FREM2: variants seen among roughly 807,000 people sequenced by gnomAD.
FREM2 encodes the protein FRAS1-related extracellular matrix protein 2.
FREM2 carries 119 observed loss-of-function variants against 219.9 expected under a neutral mutation model. The ratio of observed to expected loss-of-function variants is 0.54; its 90% CI spans 0.47 to 0.63. FREM2 has a LOEUF of 0.63. Ranked by LOEUF, FREM2 falls within the 30% of genes least tolerant of loss-of-function variation. The pLI is 0.00. For synonymous variants in FREM2, 1,562 were observed against 1,522.8 expected (o/e 1.03, Z -0.60); for missense variants, 4,030 against 3,993.6 (o/e 1.01, Z -0.25).
At chr13:38,758,903 T>G (rs1413276596) in intron 2 of FREM2, among the ~76,000 whole-genome samples, 1 of 152,192 alleles carries the variant, frequency 6.6e-6, no homozygotes, top group East Asian at 1.9e-4. Flanking sequence ...TGCAGTGGCT[T>G]ACACCTATAG....
At chr13:38,773,015 A>G (rs1455663072) in intron 4 of FREM2, among the ~76,000 whole-genome samples, 1 of 152,026 alleles carries the variant, frequency 6.6e-6, no homozygotes, top group Non-Finnish European at 1.5e-5. Context: ...TTTAACACAC[A>G]CACAGACACA....
At position 38,695,348 on chromosome 13, in the gene FREM2, A is replaced by G. The variant is rs369383339; in HGVS notation, c.5174-2350A>G. Among the ~76,000 whole-genome samples the G allele has an allele frequency of 4.7e-4, 71 of 152,304 alleles. 3 individuals are homozygous for G. In the South Asian group the frequency reaches 0.013, roughly 28 times the overall value. Reference sequence around the variant, plus strand: ...ATATAAAAGGTTTTAGTATGTTCCAACTAATCAATAACACATGCCCTAACT... The same window carrying G: ...ATATAAAAGGTTTTAGTATGTTCCAGCTAATCAATAACACATGCCCTAACT... On this transcript the variant is annotated intron_variant, in intron 1 of 23. Coordinates refer to ENST00000280481, the MANE Select transcript of FREM2 (RefSeq NM_207361.6).
intron 2 of FREM2, among the ~76,000 whole-genome samples, chr13:38,715,257 G>A (rs975860255): frequency 3.3e-5 from 5 of 152,098 alleles, no homozygotes; most frequent in African/African-American, 4.8e-5. Context: ...AAAGAACCCT[G>A]TACACCAGAA....
At chr13:38,782,136 G>A (rs1055350446) in intron 4 of FREM2, among the ~76,000 whole-genome samples, 1 of 152,172 alleles carries the variant, frequency 6.6e-6, no homozygotes, top group Non-Finnish European at 1.5e-5. Flanking sequence ...GGCTGTATCT[G>A]CTGTTCCAGC....
At chr13:38,711,234 C>T (rs564896674) in intron 2 of FREM2, among the ~76,000 whole-genome samples, 3 of 152,284 alleles carry the variant, frequency 2.0e-5, no homozygotes, top group East Asian at 3.9e-4. Context: ...TTCCCATCCC[C>T]GTCTTCGCCT....
chr13:38,777,892 T>C (rs1249569330), intron 4 of FREM2, among the ~76,000 whole-genome samples: 1 of 152,216 alleles, frequency 6.6e-6, no homozygotes, highest in Non-Finnish European at 1.5e-5. Flanking sequence ...GCCTATTTAC[T>C]CTGTCAGATT....
intron 2 of FREM2, among the ~76,000 whole-genome samples, chr13:38,751,737 CAT>C (rs1872778149): frequency 6.6e-6 from 1 of 152,116 alleles, no homozygotes; most frequent in South Asian, 2.1e-4. Flanking sequence ...TACTTCCTAA[CAT>C]ATGTGCTTTT....
intron 2 of FREM2, among the ~76,000 whole-genome samples, chr13:38,706,822 A>G (rs940879781): frequency 3.3e-5 from 5 of 152,140 alleles, no homozygotes; most frequent in Admixed American, 6.5e-5. Flanking sequence ...CAATATCCCA[A>G]TGAGTTCAAA....
intron 6 of FREM2, among the ~76,000 whole-genome samples, chr13:38,824,596 T>C (rs1424548852): frequency 2.6e-5 from 4 of 151,986 alleles, no homozygotes; most frequent in Admixed American, 2.0e-4. Context: ...TGCTTGCTGC[T>C]GATTGGTTGG....
intron 6 of FREM2, among the ~76,000 whole-genome samples, chr13:38,823,348 C>T (rs1230373191): frequency 6.6e-6 from 1 of 151,954 alleles, no homozygotes; most frequent in Non-Finnish European, 1.5e-5. Flanking sequence ...TCCTCCAGAA[C>T]CCTAAATGCA....
At chr13:38,719,263 C>T (rs929105407) in intron 2 of FREM2, among the ~76,000 whole-genome samples, 27 of 152,154 alleles carry the variant, frequency 1.8e-4, no homozygotes, top group African/African-American at 6.5e-4. Flanking sequence ...TCTTGTTGCC[C>T]AGGCTGGAGT....
At chr13:38,867,511 G>T (rs79938568) in intron 16 of FREM2, among the ~76,000 whole-genome samples, 8,665 of 152,246 alleles carry the variant, frequency 0.057, 282 homozygotes, top group Middle Eastern at 0.095. Flanking sequence ...GTTAGTCAGG[G>T]TTCTCCCCAG....
At chr13:38,721,846 A>T (rs927431747) in intron 2 of FREM2, among the ~76,000 whole-genome samples, 1 of 152,168 alleles carries the variant, frequency 6.6e-6, no homozygotes, top group African/African-American at 2.4e-5. Flanking sequence ...AACTCCTGAT[A>T]ATATAATATT....
rs181991751 is a variant in FREM2, at chr13:38,765,754, C to T, written c.5410+1304C>T. On this transcript the variant is annotated intron_variant, in intron 3 of 23. Transcript: ENST00000280481. ...AACTTTAGAAGACCAGGTTTTCACA[C>T]GACACTTTCCCTGTCTTTGAGGTTG... Among the ~76,000 whole-genome samples, 8 of 152,132 alleles carry T rather than the reference C, an allele frequency of 5.3e-5. No individual in the cohort carries two copies. The South Asian group carries it at 6.2e-4, about 12-fold the overall frequency.
At chr13:38,817,933 A>G (rs374524818) in intron 6 of FREM2, among the ~76,000 whole-genome samples, 1 of 152,140 alleles carries the variant, frequency 6.6e-6, no homozygotes, top group African/African-American at 2.4e-5. Flanking sequence ...AAACAGGTAT[A>G]TAAAAAATGT....
At chr13:38,829,202 A>G (rs1876413288) in intron 6 of FREM2, among the ~76,000 whole-genome samples, 1 of 152,168 alleles carries the variant, frequency 6.6e-6, no homozygotes, top group South Asian at 2.1e-4. Context: ...GTAGAACATA[A>G]GCAGTCTTAA....
chr13:38,709,794 C>T (rs1054337777), intron 2 of FREM2, among the ~76,000 whole-genome samples: 65 of 64,584 alleles, frequency 1.0e-3, no homozygotes, highest in African/African-American at 3.2e-3. Context: ...TGACTTTACC[C>T]TTAAACTGCT....
At chr13:38,779,344 T>C (rs1397207258) in intron 4 of FREM2, 1 of 151,964 alleles carries the variant, frequency 6.6e-6, no homozygotes, top group Non-Finnish European at 1.5e-5. Flanking sequence ...TGTATACCTA[T>C]GTAACAAACC....
chr13:38,779,016 T>C (rs1365362094), intron 4 of FREM2, among the ~76,000 whole-genome samples: 1 of 152,214 alleles, frequency 6.6e-6, no homozygotes, highest in African/African-American at 2.4e-5. Context: ...ATTTCTACAT[T>C]GAAATTTTAT....
Sources: gnomAD v4.1 joint callset for allele counts (sites outside exome capture counted in the v4.1 genomes callset) on GRCh38, gnomAD v4.1.1 for gene constraint, MANE v1.5 for transcripts, NCBI Gene and HGNC (gene_info 2026-07-23, HGNC 2026-07-21) for gene names.